STAU2: variants seen among roughly 807,000 people sequenced by gnomAD.
STAU2 encodes the protein staufen double-stranded RNA binding protein 2.
STAU2 carries 20 observed loss-of-function variants against 65.9 expected under a neutral mutation model. The observed-to-expected ratio is 0.30, with a 90% CI of 0.21 to 0.44. The LOEUF is 0.44. Among genes scored for constraint, STAU2 ranks in the 20% least tolerant of loss-of-function variants. The pLI, the probability that STAU2 is intolerant of heterozygous loss-of-function variation, is 1.00. For missense variants in STAU2, 558 were observed against 683.9 expected (o/e 0.82, Z 2.05); for synonymous variants, 232 against 233.9 (o/e 0.99, Z 0.07).
intron 5 of STAU2, among the ~76,000 whole-genome samples, chr8:73,683,962 A>T (rs563633873): frequency 6.6e-6 from 1 of 152,202 alleles, no homozygotes; most frequent in East Asian, 1.9e-4. Flanking sequence ...ATCATAGAGG[A>T]TACAAACAAA....
chr8:73,466,012 C>T (rs1052294862), intron 13 of STAU2, among the ~76,000 whole-genome samples: 12 of 152,290 alleles, frequency 7.9e-5, no homozygotes, highest in African/African-American at 2.6e-4. Flanking sequence ...GACAGGGTTT[C>T]GCCATGTTGG....
chr8:73,576,991 C>A (rs1809608875), intron 12 of STAU2, among the ~76,000 whole-genome samples: 1 of 152,182 alleles, frequency 6.6e-6, no homozygotes, highest in Admixed American at 6.5e-5. Flanking sequence ...TTAGAATACA[C>A]AGTACATATT....
rs577920085 is a variant in STAU2 at position 73,491,920 on chromosome 8, G to A, written c.1530+60092C>T. Reference sequence around the variant, plus strand: ...TCTTCTTTGAGCAATGTAAAAATACGCAAGAGAAGAAACCATTAAACTGAG... The same window carrying A: ...TCTTCTTTGAGCAATGTAAAAATACACAAGAGAAGAAACCATTAAACTGAG... On this transcript the variant is annotated intron_variant, in intron 13 of 14. Coordinates refer to ENST00000524300, the MANE Select transcript of STAU2 (RefSeq NM_001164380.2). Among the ~76,000 whole-genome samples the A allele has an allele frequency of 1.0e-3, 153 of 151,988 alleles. 1 individual carries two copies. Among genetic ancestry groups the A allele is most frequent in the African/African-American group, 3.6e-3 (151 of 41,524 alleles).
intron 5 of STAU2, among the ~76,000 whole-genome samples, chr8:73,676,941 T>C (rs1008517209): frequency 6.6e-6 from 1 of 152,178 alleles, no homozygotes; most frequent in Non-Finnish European, 1.5e-5. Context: ...CTTAGGAGTA[T>C]AGAAAGATAT....
chr8:73,460,261 G>A (rs550058865), intron 13 of STAU2, among the ~76,000 whole-genome samples: 2 of 152,268 alleles, frequency 1.3e-5, no homozygotes, highest in African/African-American at 4.8e-5. Context: ...AGAAAATGGG[G>A]GCAGGAGGGC....
At chr8:73,628,771 A>C (rs745882245) in intron 6 of STAU2, among the ~76,000 whole-genome samples, 1 of 152,194 alleles carries the variant, frequency 6.6e-6, no homozygotes, top group Non-Finnish European at 1.5e-5. Flanking sequence ...CTTTTTCGAT[A>C]AATTAATTTT....
chr8:73,603,734 C>T lies in STAU2; in HGVS notation c.1021G>A (p.Val341Met). The T allele has an allele frequency of 6.2e-7, 1 of 1,610,872 alleles. No individual in the cohort carries two copies. Among genetic ancestry groups the T allele is most frequent in the Admixed American group, 1.7e-5 (1 of 59,698 alleles). The change falls in exon 10 of 15, where the codon GTG (valine) becomes ATG (methionine). Residue 341 changes from valine to methionine, a missense_variant. Val to Met is a conservative substitution (Grantham distance 21, BLOSUM62 1). This residue lies in a region of STAU2 where 199 missense variants were observed against 299.5 expected (regional missense o/e 0.66). Coordinates refer to ENST00000524300, the MANE Select transcript of STAU2 (RefSeq NM_001164380.2). ...TAAAAGGTTAGAAATACCTGCATCA[C>T]AAATTCTCGACGTCGAGGCATTCCT... The part of the protein sequence containing the change: ...ERGMPRRREF[V>M]MQVKVGNEVA...
At chr8:73,515,594 G>C (rs1822659935) in intron 13 of STAU2, among the ~76,000 whole-genome samples, 1 of 152,054 alleles carries the variant, frequency 6.6e-6, no homozygotes, top group African/African-American at 2.4e-5. Flanking sequence ...ACCAACAGTG[G>C]AGACCCTAGG....
intron 13 of STAU2, chr8:73,551,584 C>A (rs1337388586): frequency 1.8e-5 from 18 of 988,360 alleles, no homozygotes; most frequent in Non-Finnish European, 2.0e-5. Flanking sequence ...TTCAAAATTG[C>A]TATAAAGGTA....
chr8:73,536,171 A>G (rs1806168355), intron 13 of STAU2, among the ~76,000 whole-genome samples: 1 of 152,206 alleles, frequency 6.6e-6, no homozygotes, highest in African/African-American at 2.4e-5. Flanking sequence ...GACGCTATAT[A>G]TAAAATAAGC....
At chr8:73,503,140 C>G (rs761143474) in intron 13 of STAU2, among the ~76,000 whole-genome samples, 5 of 152,098 alleles carry the variant, frequency 3.3e-5, no homozygotes, top group African/African-American at 4.8e-5. Context: ...AGGAGCTAAG[C>G]AAAAGGTCTG....
At chr8:73,672,571 A>C (rs920795944) in intron 6 of STAU2, 1 of 152,228 alleles carries the variant, frequency 6.6e-6, no homozygotes, top group Non-Finnish European at 1.5e-5. Context: ...CAAAAACTGC[A>C]TATAAAGGAC....
chr8:73,655,639 CTTTTTTTT>C (rs71269930), intron 6 of STAU2, among the ~76,000 whole-genome samples: 55 of 104,774 alleles, frequency 5.2e-4, no homozygotes, highest in South Asian at 9.7e-4. Flanking sequence ...TTTAATACAT[CTTTTTTTT>C]TTTTTTTTTT....
intron 3 of STAU2, among the ~76,000 whole-genome samples, chr8:73,712,712 T>G (rs922789603): frequency 6.6e-6 from 1 of 152,186 alleles, no homozygotes; most frequent in Non-Finnish European, 1.5e-5. Context: ...CCCAGTACAT[T>G]GGGAGGCAGA....
chr8:73,564,094 T>A (rs1236798469), intron 12 of STAU2, among the ~76,000 whole-genome samples: 1 of 152,114 alleles, frequency 6.6e-6, no homozygotes, highest in Non-Finnish European at 1.5e-5. Flanking sequence ...GAGAGAGCAT[T>A]CCAGATCACA....
intron 13 of STAU2, among the ~76,000 whole-genome samples, chr8:73,494,057 G>C (rs897295159): frequency 6.6e-6 from 1 of 151,674 alleles, no homozygotes; most frequent in Non-Finnish European, 1.5e-5. Flanking sequence ...GGGACGTGAA[G>C]GAACTTATTG....
intron 6 of STAU2, among the ~76,000 whole-genome samples, chr8:73,631,852 C>T (rs1239271763): frequency 1.3e-5 from 2 of 152,038 alleles, no homozygotes; most frequent in Non-Finnish European, 2.9e-5. Flanking sequence ...GAGAATAATA[C>T]CTGAGATGAT....
At chr8:73,494,858 A>G (rs958526794) in intron 13 of STAU2, among the ~76,000 whole-genome samples, 2 of 151,714 alleles carry the variant, frequency 1.3e-5, no homozygotes, top group African/African-American at 4.8e-5. Context: ...AACAAATAAC[A>G]TTATAAATTT....
At chr8:73,648,531 A>G (rs1027251158) in intron 6 of STAU2, among the ~76,000 whole-genome samples, 3 of 152,222 alleles carry the variant, frequency 2.0e-5, no homozygotes, top group African/African-American at 7.2e-5. Context: ...CACACAGTAG[A>G]CTACATAACT....
Sources: gnomAD v4.1 joint callset for allele counts (sites outside exome capture counted in the v4.1 genomes callset) on GRCh38, gnomAD v4.1.1 for gene constraint, gnomAD v4.1.1 regional missense constraint, MANE v1.5 for transcripts, NCBI Gene and HGNC (gene_info 2026-07-23, HGNC 2026-07-21) for gene names.